DLG2: variants seen among roughly 807,000 people sequenced by gnomAD.
DLG2 encodes the protein disks large homolog 2.
Under a neutral mutation model 132.5 loss-of-function variants are expected in DLG2, and 45 were observed. That is an observed-to-expected ratio of 0.34 (90% CI 0.27 to 0.44). The LOEUF (loss-of-function observed/expected upper bound fraction) is 0.44. DLG2 is among the 20% of genes least tolerant of loss of function. The probability of loss-of-function intolerance (pLI) is 1.00; values close to 1 mark genes in which losing one functional copy is unlikely to be tolerated. For synonymous variants in DLG2, 424 were observed against 419.6 expected (o/e 1.01, Z -0.13); for missense variants, 1,045 against 1,196.9 (o/e 0.87, Z 1.87).
At chr11:83,522,238 C>T (rs192781123) in intron 21 of DLG2, among the ~76,000 whole-genome samples, 1 of 152,268 alleles carries the variant, frequency 6.6e-6, no homozygotes, top group East Asian at 1.9e-4. Context: ...TAGGCTCTCC[C>T]GCCCATTTGA....
chr11:85,426,709 A>T (rs1322163558), intron 3 of DLG2, among the ~76,000 whole-genome samples: 2 of 152,338 alleles, frequency 1.3e-5, no homozygotes, highest in African/African-American at 4.8e-5. Context: ...AAACTCTAAA[A>T]ATCAGAGCAC....
intron 3 of DLG2, among the ~76,000 whole-genome samples, chr11:85,365,546 C>G (rs1166619983): frequency 6.6e-6 from 1 of 152,112 alleles, no homozygotes. Flanking sequence ...GTATCTAGAA[C>G]CAGAAATACC....
intron 21 of DLG2, among the ~76,000 whole-genome samples, chr11:83,517,982 G>A (rs2095353656): frequency 6.6e-6 from 1 of 152,232 alleles, no homozygotes; most frequent in Non-Finnish European, 1.5e-5. Flanking sequence ...ACCCACTTGA[G>A]GAGGCAGTCT....
chr11:85,101,978 C>A (rs1566851430), intron 6 of DLG2, among the ~76,000 whole-genome samples: 1 of 151,992 alleles, frequency 6.6e-6, no homozygotes, highest in Non-Finnish European at 1.5e-5. Context: ...TCCAACAGTA[C>A]TGTGAAGAAA....
chr11:83,478,160 T>C lies in DLG2; in HGVS notation c.2294-5383A>G, dbSNP rs1165055258. Reference sequence around the variant, plus strand: ...TGGTATCCAAGAAGAGGACCTCATGTATAGTAGGTACCGAATGAATAAATA... The same window carrying C: ...TGGTATCCAAGAAGAGGACCTCATGCATAGTAGGTACCGAATGAATAAATA... On this transcript the variant is annotated intron_variant, in intron 22 of 27. Coordinates refer to ENST00000376104, the MANE Select transcript of DLG2 (RefSeq NM_001142699.3). Among the ~76,000 whole-genome samples the C allele has an allele frequency of 2.6e-5, 4 of 152,274 alleles. No homozygotes were observed. The East Asian group carries it at 7.7e-4, about 29-fold the overall frequency.
intron 15 of DLG2, among the ~76,000 whole-genome samples, chr11:83,882,470 A>G (rs2066553357): frequency 1.3e-5 from 2 of 152,156 alleles, no homozygotes; most frequent in Non-Finnish European, 2.9e-5. Flanking sequence ...AGAGCCCCCA[A>G]TTTTTCATTC....
intron 7 of DLG2, among the ~76,000 whole-genome samples, chr11:84,434,813 C>A: frequency 6.6e-6 from 1 of 151,222 alleles, no homozygotes; most frequent in East Asian, 1.9e-4. Context: ...TTTCAATTAA[C>A]CCCAACCTTG....
chr11:83,748,422 C>T (rs2093069584), intron 18 of DLG2, among the ~76,000 whole-genome samples: 1 of 152,216 alleles, frequency 6.6e-6, no homozygotes, highest in Admixed American at 6.5e-5. Context: ...CTTTCCCTTT[C>T]CCTGACTCCA....
Position 84,718,228 on chromosome 11 carries a change from T to C in DLG2, c.358-183497A>G, listed in dbSNP as rs181252835. ...CAAATACTTTGCAAAATAAGATGGG[T>C]TAGAGTCTCTAAAAGCATTATTTTA... On this transcript the variant is annotated intron_variant, in intron 6 of 27. Transcript: ENST00000376104. Among the ~76,000 whole-genome samples, 19 of 152,170 alleles carry C rather than the reference T, an allele frequency of 1.2e-4. No individual in the cohort carries two copies. In the East Asian group the frequency reaches 3.5e-3, roughly 28 times the overall value.
At chr11:85,582,056 G>A (rs1337406741) in intron 3 of DLG2, among the ~76,000 whole-genome samples, 4 of 152,166 alleles carry the variant, frequency 2.6e-5, no homozygotes, top group Non-Finnish European at 5.9e-5. Context: ...TAGGCATAGA[G>A]GAGACATACA....
Position 85,421,692 on chromosome 11 carries a change from C to G in DLG2, c.41-136327G>C, listed in dbSNP as rs138878529. Among the ~76,000 whole-genome samples the G allele has an allele frequency of 3.1e-3, 464 of 152,088 alleles. 1 individual carries two copies. The highest frequency in any genetic ancestry group is 0.011 in the African/African-American group (447 of 41,484). ...TAGTCTTGAAATGTGAGGTACCATTCCATTCATCATGCTATTTGTTGCCTG... is the reference window on the plus strand; with the variant it reads ...TAGTCTTGAAATGTGAGGTACCATTGCATTCATCATGCTATTTGTTGCCTG... On this transcript the variant is annotated intron_variant, in intron 3 of 27. Transcript: ENST00000376104.
chr11:84,751,809 G>C (rs1487009704), intron 6 of DLG2, among the ~76,000 whole-genome samples: 1 of 152,160 alleles, frequency 6.6e-6, no homozygotes, highest in Admixed American at 6.6e-5. Context: ...CCTAGAAGAG[G>C]TTAGGATGCC....
intron 3 of DLG2, among the ~76,000 whole-genome samples, chr11:85,362,538 A>AT (rs1458096736): frequency 6.6e-6 from 1 of 151,956 alleles, no homozygotes; most frequent in Non-Finnish European, 1.5e-5. Context: ...TTTCCTAGAT[A>AT]TAAGATCATA....
At chr11:85,515,951 T>C (rs983980833) in intron 3 of DLG2, among the ~76,000 whole-genome samples, 12 of 152,076 alleles carry the variant, frequency 7.9e-5, no homozygotes, top group Non-Finnish European at 1.5e-4. Flanking sequence ...AGTAAGGTTA[T>C]GTAATTTGTC....
At chr11:84,396,413 T>C (rs1436846730) in intron 7 of DLG2, among the ~76,000 whole-genome samples, 1 of 152,202 alleles carries the variant, frequency 6.6e-6, no homozygotes, top group South Asian at 2.1e-4. Flanking sequence ...GTGCAATTGT[T>C]TTTGTTTTTG....
intron 18 of DLG2, among the ~76,000 whole-genome samples, chr11:83,711,027 C>A (rs1409305457): frequency 6.6e-6 from 1 of 152,150 alleles, no homozygotes; most frequent in African/African-American, 2.4e-5. Flanking sequence ...AAGCCTGATA[C>A]TTGGTTAGGT....
chr11:84,289,315 A>C (rs961652366), intron 7 of DLG2, among the ~76,000 whole-genome samples: 4 of 152,118 alleles, frequency 2.6e-5, no homozygotes, highest in South Asian at 2.1e-4. Flanking sequence ...ATATTGGCCC[A>C]AGCTTTTATG....
chr11:84,270,443 T>C (rs958618502), intron 7 of DLG2, among the ~76,000 whole-genome samples: 1 of 152,196 alleles, frequency 6.6e-6, no homozygotes, highest in Admixed American at 6.5e-5. Flanking sequence ...ATAGTTTGGT[T>C]TCCTTCTTCT....
chr11:83,578,062 ATATATATATG>A (rs2096911033), intron 19 of DLG2, among the ~76,000 whole-genome samples: 1 of 109,640 alleles, frequency 9.1e-6, no homozygotes, highest in Non-Finnish European at 1.8e-5. Flanking sequence ...GTGTGTATAC[ATATATATATG>A]TATACACACA....
Sources: allele counts gnomAD v4.1 joint callset (sites outside exome capture counted in the v4.1 genomes callset), GRCh38; gene constraint gnomAD v4.1.1; transcripts MANE v1.5; gene names NCBI Gene and HGNC (gene_info 2026-07-23, HGNC 2026-07-21).